CPZ: variants seen among roughly 807,000 people sequenced by gnomAD.
The protein encoded by CPZ is carboxypeptidase Z, also known as VEZT/CPZ fusion.
In CPZ, 103 loss-of-function variants were observed where a neutral mutation model predicts 61.8. The observed-to-expected ratio is 1.67, with a 90% CI of 1.42 to 1.96. The LOEUF (loss-of-function observed/expected upper bound fraction) is 1.96, where lower values mean the gene tolerates loss of function less well. CPZ is among the 30% of genes most tolerant of loss of function. CPZ has a pLI of 0.00. For missense variants in CPZ, 1,461 were observed against 914.9 expected, an observed-to-expected ratio of 1.60 and a Z score of -7.70; for synonymous variants, 551 against 373.7, an observed-to-expected ratio of 1.47 and a Z score of -5.47.
At position 8,607,430 on chromosome 4, in the gene CPZ, G is replaced by C. The variant is rs764998922; in HGVS notation, c.1227+5G>C. The C allele has an allele frequency of 9.9e-6, 16 of 1,613,676 alleles. No individual in the cohort carries two copies. The South Asian group carries it at 1.5e-4, about 16-fold the overall frequency. ...TCTCCCACGCCCGACGAGAAGGTGAGAGGGCTGTCGGGTGTGTGCAGGGGA... is the reference window on the plus strand; with the variant it reads ...TCTCCCACGCCCGACGAGAAGGTGACAGGGCTGTCGGGTGTGTGCAGGGGA... On this transcript the variant is annotated splice_donor_5th_base_variant and intron_variant, in intron 7 of 10. Transcript: ENST00000360986.
At chr4:8,616,481 G>C (rs78671124) in intron 9 of CPZ, among the ~76,000 whole-genome samples, 2,636 of 152,322 alleles carry the variant, frequency 0.017, 89 homozygotes, top group African/African-American at 0.059. Context: ...GCAGAAGTGA[G>C]ACCAGGGCTG....
rs151153306 is a variant in CPZ at position 8,612,560 on chromosome 4, G to T, written c.1363+398G>T. Among the ~76,000 whole-genome samples the T allele has an allele frequency of 4.4e-3, 670 of 152,308 alleles. 5 individuals carry two copies. In the Middle Eastern group the frequency reaches 0.044, roughly 10 times the overall value. ...CAATGTAAGGATGTTCCAATGCGTG[G>T]GATATGCTTACAAGAACCCGCATGG... On this transcript the variant is annotated intron_variant, in intron 8 of 10. Transcript: ENST00000360986.
At chr4:8,616,305 C>CTCTT (rs1172321203) in intron 9 of CPZ, among the ~76,000 whole-genome samples, 1 of 152,108 alleles carries the variant, frequency 6.6e-6, no homozygotes, top group Non-Finnish European at 1.5e-5. Flanking sequence ...CGTGGCAGCT[C>CTCTT]TCTTTCCCCA....
intron 1 of CPZ, among the ~76,000 whole-genome samples, chr4:8,596,236 G>A (rs1242741462): frequency 6.6e-6 from 1 of 152,162 alleles, no homozygotes; most frequent in African/African-American, 2.4e-5. Context: ...ATTTTTAGTA[G>A]AGACGGGGTT....
At position 8,619,367 on chromosome 4, in the gene CPZ, G is replaced by C. The variant is rs113699437; in HGVS notation, c.1709G>C (p.Arg570Pro). 20 of 1,614,052 alleles carry C rather than the reference G, an allele frequency of 1.2e-5. No individual in the cohort carries two copies. Among genetic ancestry groups the C allele is most frequent in the Non-Finnish European group, 1.7e-5 (20 of 1,180,028 alleles). Residue 570 changes from arginine (R) to proline (P), a missense_variant, in exon 11 of 11, where the codon CGG becomes CCG. By Grantham distance (103) the Arg-to-Pro change is moderately radical. Coordinates refer to ENST00000360986, the MANE Select transcript of CPZ (RefSeq NM_001014447.3). ...KVIKKVIIPA[R>P]MKRAGRVDFI... ...ATCAAGAAAGTCATCATCCCCGCCC[G>C]GATGAAGAGGGCTGGCCGTGTGGAC...
At chr4:8,611,228 G>A (rs983446947) in intron 7 of CPZ, 1 of 456,158 alleles carries the variant, frequency 2.2e-6, no homozygotes, top group African/African-American at 2.0e-5. Flanking sequence ...CATGCAGGGT[G>A]AGCCCTTCGC....
chr4:8,609,235 C>T (rs907842858), intron 7 of CPZ, among the ~76,000 whole-genome samples: 286 of 138,418 alleles, frequency 2.1e-3, no homozygotes, highest in African/African-American at 7.4e-3. Flanking sequence ...CACTCATTGT[C>T]ACTCATTCAC....
chr4:8,610,706 C>A (rs1715579331), intron 7 of CPZ, among the ~76,000 whole-genome samples: 1 of 152,186 alleles, frequency 6.6e-6, no homozygotes, highest in South Asian at 2.1e-4. Flanking sequence ...CAGGGCAGGC[C>A]ACTCCTGAGC....
intron 9 of CPZ, among the ~76,000 whole-genome samples, chr4:8,616,286 G>C (rs949441590): frequency 6.6e-6 from 1 of 152,198 alleles, no homozygotes; most frequent in African/African-American, 2.4e-5. Flanking sequence ...GGGGCGAGGG[G>C]AGGGGCGGCG....
chr4:8,611,997 T>G (rs745340502), intron 7 of CPZ, 30 bp from the exon 8 acceptor site: 2 of 1,613,114 alleles, frequency 1.2e-6, no homozygotes, highest in African/African-American at 1.3e-5. Context: ...AGGGGACCCT[T>G]TCCTTATCTG....
rs115354300 is a variant in CPZ at position 8,614,269 on chromosome 4, C to T, written c.1364-90C>T. The T allele has an allele frequency of 1.3e-3, 1,946 of 1,462,838 alleles. 25 individuals carry two copies. The African/African-American group carries it at 0.026, about 19-fold the overall frequency. The allele number at this position is 1,462,838 out of a possible 1,614,324, so 90.6% of individuals were successfully genotyped here. A position where few individuals can be genotyped will look rare whatever the true frequency, so the allele number is the denominator to read the frequency against. ...CTGCGCGGCTGACACCCCGGCGTCC[C>T]GGCTGTCTCTGTGCGGCTGACACCC... On this transcript the variant is annotated intron_variant, in intron 8 of 10. Transcript: ENST00000360986.
chr4:8,619,723 C>T lies in CPZ; in HGVS notation c.*106C>T, dbSNP rs1213416697. ...CCACAGACATCCCACAAAGCCGCTGCCATTTTATTAAAGTGTTTTGATCCA... is the reference window on the plus strand; with the variant it reads ...CCACAGACATCCCACAAAGCCGCTGTCATTTTATTAAAGTGTTTTGATCCA... On this transcript the variant is annotated 3_prime_UTR_variant, in exon 11 of 11. Transcript: ENST00000360986. The T allele has an allele frequency of 4.7e-6, 4 of 847,630 alleles. No homozygotes were observed. The highest frequency in any genetic ancestry group is 6.9e-6 in the Non-Finnish European group (4 of 582,414). 52.5% of individuals were successfully genotyped at this position (847,630 alleles called of 1,614,324 possible). A position where few individuals can be genotyped will look rare whatever the true frequency, so the allele number is the denominator to read the frequency against.
At chr4:8,604,324 A>G in intron 4 of CPZ, 136 bp downstream of exon 4, 1 of 757,382 alleles carries the variant, frequency 1.3e-6, no homozygotes, top group Non-Finnish European at 2.1e-6. Flanking sequence ...TGCTTGGTGC[A>G]GGCCACGTCC....
At chr4:8,594,485 T>C (rs1714034052) in intron 1 of CPZ, among the ~76,000 whole-genome samples, 1 of 152,226 alleles carries the variant, frequency 6.6e-6, no homozygotes, top group African/African-American at 2.4e-5. Flanking sequence ...AACTCTGCTG[T>C]GTGACCTGGG....
At chr4:8,611,308 A>C (rs41266537) in intron 7 of CPZ, 1 of 455,668 alleles carries the variant, frequency 2.2e-6, no homozygotes, top group South Asian at 1.5e-5. Flanking sequence ...AGCCCCCACA[A>C]AGGAGGATCT....
chr4:8,594,681 A>G (rs1233068989), intron 1 of CPZ, among the ~76,000 whole-genome samples: 1 of 152,356 alleles, frequency 6.6e-6, no homozygotes, highest in Middle Eastern at 3.4e-3. Context: ...GTCCAACAGA[A>G]ACACAAAGCC....
intron 2 of CPZ, 99 bp downstream of exon 2, chr4:8,599,584 T>C: frequency 6.4e-7 from 1 of 1,564,632 alleles, no homozygotes; most frequent in South Asian, 1.2e-5. Flanking sequence ...ATTTCAGAAG[T>C]GGGTAATGGA....
At position 8,610,609 on chromosome 4, in the gene CPZ, T is replaced by C. The variant is rs1190910995; in HGVS notation, c.1228-1418T>C. Among the ~76,000 whole-genome samples, 7 of 152,234 alleles carry C rather than the reference T, an allele frequency of 4.6e-5. No individual in the cohort carries two copies. In the East Asian group the frequency reaches 1.2e-3, roughly 25 times the overall value. On this transcript the variant is annotated intron_variant, in intron 7 of 10. Coordinates refer to ENST00000360986, the MANE Select transcript of CPZ (RefSeq NM_001014447.3). ...TCAGAGGTGGGACACAGGTAGAATGTAGCAGATGTGGCCTGGGCAGATGGA... is the reference window on the plus strand; with the variant it reads ...TCAGAGGTGGGACACAGGTAGAATGCAGCAGATGTGGCCTGGGCAGATGGA...
chr4:8,599,326 T>G, intron 1 of CPZ, 127 bp from the exon 2 acceptor site: 871 of 1,069,248 alleles, frequency 8.1e-4, no homozygotes, highest in Non-Finnish European at 1.0e-3. Flanking sequence ...GAAGACTCCA[T>G]GAGATGGAGC....
Sources: gnomAD v4.1 joint callset for allele counts (sites outside exome capture counted in the v4.1 genomes callset) on GRCh38, gnomAD v4.1.1 for gene constraint, MANE v1.5 for transcripts, NCBI Gene and HGNC (gene_info 2026-07-23, HGNC 2026-07-21) for gene names.